Variants in BMP2K observed in about 807,000 individuals in gnomAD.
BMP2K encodes the protein BMP-2-inducible protein kinase.
BMP2K carries 74 observed loss-of-function variants against 116.0 expected under a neutral mutation model. The observed-to-expected ratio is 0.64, with a 90% confidence interval of 0.53 to 0.77. The LOEUF (loss-of-function observed/expected upper bound fraction) is 0.77, where lower values mean the gene tolerates loss of function less well. Among genes scored for constraint, BMP2K ranks in the 30% least tolerant of loss-of-function variants. The pLI is 0.00. For missense variants in BMP2K, 1,365 were observed against 1,403.6 expected (o/e 0.97, Z 0.44); for synonymous variants, 486 against 502.5 (o/e 0.97, Z 0.44).
chr4:78,898,740 T>G (rs1733843792), intron 15 of BMP2K: 1 of 151,424 alleles, frequency 6.6e-6, no homozygotes, highest in Admixed American at 6.6e-5. Context: ...GAGAAATAAC[T>G]TTATATGTAT....
chr4:78,801,637 T>C (rs530833160), intron 1 of BMP2K, among the ~76,000 whole-genome samples: 195 of 152,304 alleles, frequency 1.3e-3, no homozygotes, highest in Middle Eastern at 3.4e-3. Context: ...CTTAAGGTTC[T>C]CTTTTCTCCA....
intron 5 of BMP2K, among the ~76,000 whole-genome samples, chr4:78,846,228 C>G (rs1245397208): frequency 6.6e-6 from 1 of 151,520 alleles, no homozygotes. Context: ...AATGGACTTA[C>G]CATTCATTCA....
At chr4:78,810,950 TGTGTAA>T (rs1729061347) in intron 1 of BMP2K, among the ~76,000 whole-genome samples, 1 of 152,102 alleles carries the variant, frequency 6.6e-6, no homozygotes, top group South Asian at 2.1e-4. Context: ...ACTTTTCCAT[TGTGTAA>T]GTGCTTCACT....
intron 3 of BMP2K, among the ~76,000 whole-genome samples, chr4:78,838,245 GC>G (rs1352511346): frequency 6.6e-6 from 1 of 152,190 alleles, no homozygotes; most frequent in East Asian, 1.9e-4. Flanking sequence ...GGAAAGACTT[GC>G]CCCCATGTTT....
rs1349895259 is a variant in BMP2K at position 78,914,953 on chromosome 4, A to G, written c.*2920A>G. On this transcript the variant is annotated 3_prime_UTR_variant, in exon 16 of 16. Coordinates refer to ENST00000502613, the MANE Select transcript of BMP2K (RefSeq NM_198892.2). ...AAAAGTGGACCATTTGCTTATTTTA[A>G]TATCACGTCAGTAAAATGTTAGTAT... 1 of 151,972 alleles carries G rather than the reference A, an allele frequency of 6.6e-6. No homozygotes were observed. The highest frequency in any genetic ancestry group is 2.4e-5 in the African/African-American group (1 of 41,404). 9.4% of individuals were successfully genotyped at this position (151,972 alleles called of 1,614,324 possible).
In BMP2K at chr4:78,776,537, CG is replaced by C; in HGVS notation, c.-4del. ...CTCCCTGCGCCCTCCAGCTCGCCGG[CG>C]GGACCATGAAGAAGTTCTCTCGGAT... On this transcript the variant is annotated 5_prime_UTR_variant, in exon 1 of 16. Transcript: ENST00000502613. 1 of 1,135,578 alleles carries C rather than the reference CG, an allele frequency of 8.8e-7. No individual in the cohort carries two copies. The highest frequency in any genetic ancestry group is 1.1e-6 in the Non-Finnish European group (1 of 922,980). The allele number at this position is 1,135,578 out of a possible 1,614,324, so 70.3% of individuals were successfully genotyped here. A position where few individuals can be genotyped will look rare whatever the true frequency, so the allele number is the denominator to read the frequency against.
chr4:78,785,606 T>C (rs1727690456), intron 1 of BMP2K, among the ~76,000 whole-genome samples: 1 of 152,152 alleles, frequency 6.6e-6, no homozygotes, highest in South Asian at 2.1e-4. Flanking sequence ...ATGCACAATA[T>C]ATGTATTTTA....
chr4:78,788,686 A>C (rs1204419167), intron 1 of BMP2K, among the ~76,000 whole-genome samples: 1 of 149,080 alleles, frequency 6.7e-6, no homozygotes, highest in African/African-American at 2.6e-5. Context: ...GAAATATTGC[A>C]AACTCATGAG....
chr4:78,781,657 AG>A (rs1484090701), intron 1 of BMP2K, among the ~76,000 whole-genome samples: 1 of 152,016 alleles, frequency 6.6e-6, no homozygotes, highest in Non-Finnish European at 1.5e-5. Context: ...TAGAATGAGA[AG>A]GTGCTCATTG....
chr4:78,816,682 G>T lies in BMP2K; in HGVS notation c.179-9355G>T, dbSNP rs191792696. ...TTATGCTGGACTAAATTAATTTCTT[G>T]TAGTGAATCGATCACTTTTACTTGT... On this transcript the variant is annotated intron_variant, in intron 1 of 15. Coordinates refer to ENST00000502613, the MANE Select transcript of BMP2K (RefSeq NM_198892.2). Among the ~76,000 whole-genome samples the T allele has an allele frequency of 2.0e-3, 311 of 152,260 alleles. 1 individual carries two copies. The highest frequency in any genetic ancestry group is 7.1e-3 in the African/African-American group (295 of 41,560).
At chr4:78,847,146 A>G (rs1225793180) in intron 5 of BMP2K, 42 bp from the exon 6 acceptor site, 3 of 1,057,242 alleles carry the variant, frequency 2.8e-6, no homozygotes, top group African/African-American at 3.4e-5. Flanking sequence ...TTTTTTATAT[A>G]TATATATATA....
At chr4:78,894,439 G>A (rs758002754) in intron 15 of BMP2K, among the ~76,000 whole-genome samples, 3 of 152,166 alleles carry the variant, frequency 2.0e-5, no homozygotes, top group Non-Finnish European at 2.9e-5. Context: ...ACATGTTCTG[G>A]AGATGGCTTC....
intron 13 of BMP2K, among the ~76,000 whole-genome samples, chr4:78,875,306 T>C (rs1732579026): frequency 6.6e-6 from 1 of 152,190 alleles, no homozygotes; most frequent in Non-Finnish European, 1.5e-5. Flanking sequence ...GAGTAGAATA[T>C]AAGAAACCAA....
chr4:78,795,097 T>C (rs1728188772), intron 1 of BMP2K, among the ~76,000 whole-genome samples: 1 of 152,220 alleles, frequency 6.6e-6, no homozygotes, highest in Non-Finnish European at 1.5e-5. Context: ...GAATGCTTGA[T>C]TGAAGGTATT....
At position 78,887,172 on chromosome 4, in the gene BMP2K, A is replaced by C. The variant is rs1322215107; in HGVS notation, c.1952-2A>C. 1 of 1,576,922 alleles carries C rather than the reference A, an allele frequency of 6.3e-7. No homozygotes were observed. The highest frequency in any genetic ancestry group is 1.4e-5 in the African/African-American group (1 of 73,904). ...TTATTTCGTTTCATCTTATTTTTGC[A>C]GATAGGCTCGAGGAGAGAGCATCCT... On this transcript the variant is annotated splice_acceptor_variant, in intron 14 of 15. Coordinates refer to ENST00000502613, the MANE Select transcript of BMP2K (RefSeq NM_198892.2). LOFTEE classifies it high-confidence loss of function.
At position 78,887,217 on chromosome 4, in the gene BMP2K, A is replaced by T; in HGVS notation, c.1995A>T (p.Ser665=). The change falls in exon 15 of 16, where the codon TCA becomes TCT. Residue 665 remains serine (S), a synonymous_variant. Coordinates refer to ENST00000502613, the MANE Select transcript of BMP2K (RefSeq NM_198892.2). ...CATCCTCAGATAAGAATGTAGACTC[A>T]CTTTCTGCTCCACATAACCATCCTC... ...ERASSDKNVD[S]LSAPHNHPPE... The T allele has an allele frequency of 6.2e-7, 1 of 1,612,026 alleles. No individual in the cohort carries two copies. The highest frequency in any genetic ancestry group is 8.5e-7 in the Non-Finnish European group (1 of 1,179,106).
intron 15 of BMP2K, among the ~76,000 whole-genome samples, chr4:78,889,625 C>T (rs1733317635): frequency 6.6e-6 from 1 of 152,056 alleles, no homozygotes; most frequent in African/African-American, 2.4e-5. Context: ...AAAAGTTGGA[C>T]AAAGGAGTTC....
At chr4:78,844,071 C>T (rs576052213) in intron 4 of BMP2K, among the ~76,000 whole-genome samples, 2 of 151,750 alleles carry the variant, frequency 1.3e-5, no homozygotes, top group Admixed American at 6.6e-5. Context: ...TTATCTAAGA[C>T]TATCATAAAA....
In BMP2K at chr4:78,844,016, T is replaced by C. The variant is rs150319685; in HGVS notation, c.547-912T>C. Among the ~76,000 whole-genome samples the C allele has an allele frequency of 5.5e-3, 841 of 151,950 alleles. 8 individuals carry two copies. Among genetic ancestry groups the C allele is most frequent in the African/African-American group, 0.02 (814 of 41,508 alleles). On this transcript the variant is annotated intron_variant, in intron 4 of 15. Transcript: ENST00000502613. ...ACTAAAGTGAAATATAGAAGAAAAG[T>C]TATAATAAAACAGTATTTCGATAAA...
Sources: allele counts gnomAD v4.1 joint callset (sites outside exome capture counted in the v4.1 genomes callset), GRCh38; gene constraint gnomAD v4.1.1; transcripts MANE v1.5; gene names NCBI Gene and HGNC (gene_info 2026-07-23, HGNC 2026-07-21).